The following TAFA5 variants were observed in gnomAD, a reference collection of about 807,000 sequenced individuals.
TAFA5 encodes chemokine-like protein TAFA-5.
Under a neutral mutation model 15.3 loss-of-function variants are expected in TAFA5, and 6 were observed. The ratio of observed to expected loss-of-function variants is 0.39; its 90% CI spans 0.21 to 0.77. The LOEUF is 0.77. Ranked by LOEUF, TAFA5 falls within the 30% of genes least tolerant of loss-of-function variation. The pLI is 0.41. For missense variants in TAFA5, 161 were observed against 193.1 expected, an observed-to-expected ratio of 0.83 and a Z score of 0.98; for synonymous variants, 103 against 80.7, an observed-to-expected ratio of 1.28 and a Z score of -1.48.
At chr22:48,740,127 TCTC>T (rs1017860654) in intron 3 of TAFA5, among the ~76,000 whole-genome samples, 1 of 152,152 alleles carries the variant, frequency 6.6e-6, no homozygotes, top group African/African-American at 2.4e-5. Context: ...TGCAGGCCCC[TCTC>T]CTCCAACCCT....
rs1391888292 is a variant in TAFA5 at position 48,609,783 on chromosome 22, G to GAA, written c.113-36814_113-36813insAA. ...CCCCGCAGGTCCGCTTCCTTCTGAG[G>GAA]GTCTTGGGGGAGAAGCTGCTCCCGG... On this transcript the variant is annotated intron_variant, in intron 1 of 3. Coordinates refer to ENST00000402357, the MANE Select transcript of TAFA5 (RefSeq NM_001082967.3). Among the ~76,000 whole-genome samples the GAA allele has an allele frequency of 3.3e-4, 50 of 152,312 alleles. No individual in the cohort carries two copies. The East Asian group carries it at 9.1e-3, about 28-fold the overall frequency.
Position 48,552,053 on chromosome 22 carries a change from G to A in TAFA5, c.112+62349G>A, listed in dbSNP as rs538848558. On this transcript the variant is annotated intron_variant, in intron 1 of 3. Coordinates refer to ENST00000402357, the MANE Select transcript of TAFA5 (RefSeq NM_001082967.3). This position sits in a 1 kb window ranked among gnomAD's most constrained non-coding sequence, Gnocchi z 4.1. ...TCTGACTGTCCTCCCGGCAGGAAGCGTCCTCCAGTGCTCCCTCTGCTGTGC... is the reference window on the plus strand; with the variant it reads ...TCTGACTGTCCTCCCGGCAGGAAGCATCCTCCAGTGCTCCCTCTGCTGTGC... Among the ~76,000 whole-genome samples, 8 of 152,350 alleles carry A rather than the reference G, an allele frequency of 5.3e-5. No homozygotes were observed. The highest frequency in any genetic ancestry group is 4.1e-4 in the South Asian group (2 of 4,830).
intron 1 of TAFA5, among the ~76,000 whole-genome samples, chr22:48,535,247 G>C (rs1396372221): frequency 6.6e-6 from 1 of 151,986 alleles, no homozygotes; most frequent in Non-Finnish European, 1.5e-5. Flanking sequence ...TCTTAAAAGT[G>C]TGTCTTTTCA....
chr22:48,725,053 G>C (rs962952267), intron 3 of TAFA5, among the ~76,000 whole-genome samples: 2 of 152,262 alleles, frequency 1.3e-5, no homozygotes, highest in Non-Finnish European at 2.9e-5. Context: ...AGCTTAGACA[G>C]AAGTCTGACC....
At chr22:48,554,009 G>A (rs1922946090) in intron 1 of TAFA5, among the ~76,000 whole-genome samples, 1 of 152,220 alleles carries the variant, frequency 6.6e-6, no homozygotes, top group Non-Finnish European at 1.5e-5. Context: ...GACAAATGAG[G>A]TACAAACCAC....
chr22:48,494,124 G>A lies in TAFA5; in HGVS notation c.112+4420G>A, dbSNP rs910377737. 3.3e-5 allele frequency among the ~76,000 whole-genome samples: 5 copies of A among 152,208 alleles called. No homozygotes were observed. In the South Asian group the frequency reaches 6.2e-4, roughly 19 times the overall value. ...GTTCTGAGCTCAGGATCTGCCACTC[G>A]ACATGCTCGGAATGAAATATGTAGA... On this transcript the variant is annotated intron_variant, in intron 1 of 3. Transcript: ENST00000402357.
intron 1 of TAFA5, among the ~76,000 whole-genome samples, chr22:48,499,702 C>G (rs1920942371): frequency 6.6e-6 from 1 of 152,238 alleles, no homozygotes; most frequent in Non-Finnish European, 1.5e-5. Context: ...GGGCAGCCTC[C>G]TGCCTGGGGC....
chr22:48,565,973 T>G (rs973196118), intron 1 of TAFA5, among the ~76,000 whole-genome samples: 1 of 151,462 alleles, frequency 6.6e-6, no homozygotes, highest in Non-Finnish European at 1.5e-5. Flanking sequence ...GGTGGATGGG[T>G]GGATGGATGG....
At chr22:48,516,028 G>A (rs1013081535) in intron 1 of TAFA5, among the ~76,000 whole-genome samples, 4 of 151,956 alleles carry the variant, frequency 2.6e-5, no homozygotes, top group Non-Finnish European at 4.4e-5. Flanking sequence ...CTTCACCGCC[G>A]CTCAGCACCC....
At chr22:48,516,296 T>C (rs1921404072) in intron 1 of TAFA5, among the ~76,000 whole-genome samples, 1 of 152,192 alleles carries the variant, frequency 6.6e-6, no homozygotes, top group Admixed American at 6.5e-5. Context: ...TATTAACGGC[T>C]TTTCTTAATA....
intron 1 of TAFA5, among the ~76,000 whole-genome samples, chr22:48,529,135 A>G (rs1043889669): frequency 6.8e-5 from 10 of 146,010 alleles, no homozygotes; most frequent in African/African-American, 2.0e-4. Context: ...GGACCTGGGT[A>G]GAGGCAGAAA....
At chr22:48,672,869 A>G (rs1306628800) in intron 2 of TAFA5, among the ~76,000 whole-genome samples, 1 of 152,356 alleles carries the variant, frequency 6.6e-6, no homozygotes, top group East Asian at 1.9e-4. Context: ...CATTGGAAAT[A>G]GAACCTCAAC....
rs1281311288 is a variant in TAFA5, at chr22:48,530,164, G to A, written c.112+40460G>A. ...CTGCTCTGTCTCCATGGCGACTCGA[G>A]GAGGAGGAGGCTGGGCCTGCATCAC... On this transcript the variant is annotated intron_variant, in intron 1 of 3. Coordinates refer to ENST00000402357, the MANE Select transcript of TAFA5 (RefSeq NM_001082967.3). This position sits in a 1 kb window ranked among gnomAD's most constrained non-coding sequence, Gnocchi z 6.0. Among the ~76,000 whole-genome samples the A allele has an allele frequency of 6.6e-6, 1 of 152,126 alleles. No individual in the cohort carries two copies. Among genetic ancestry groups the A allele is most frequent in the Non-Finnish European group, 1.5e-5 (1 of 68,016 alleles).
intron 1 of TAFA5, among the ~76,000 whole-genome samples, chr22:48,577,628 T>A (rs1305563512): frequency 6.6e-6 from 1 of 152,184 alleles, no homozygotes; most frequent in African/African-American, 2.4e-5. Flanking sequence ...TTCAGCTGCT[T>A]TCCTGACTAA....
intron 3 of TAFA5, among the ~76,000 whole-genome samples, chr22:48,719,582 C>G (rs543228309): frequency 6.6e-6 from 1 of 152,218 alleles, no homozygotes; most frequent in Non-Finnish European, 1.5e-5. Context: ...GACTGCCCCC[C>G]CTGCATTCTC....
chr22:48,738,460 G>A (rs1464367921), intron 3 of TAFA5, among the ~76,000 whole-genome samples: 1 of 152,020 alleles, frequency 6.6e-6, no homozygotes, highest in African/African-American at 2.4e-5. Context: ...AGGGAAGGTC[G>A]AAGGCCACGC....
chr22:48,670,184 T>A (rs542829999), intron 2 of TAFA5, among the ~76,000 whole-genome samples: 2 of 152,246 alleles, frequency 1.3e-5, no homozygotes, highest in Non-Finnish European at 2.9e-5. Context: ...CTGCCCCTCA[T>A]TCTGTAATCG....
intron 1 of TAFA5, among the ~76,000 whole-genome samples, chr22:48,585,659 A>G (rs1470228677): frequency 7.4e-6 from 1 of 135,980 alleles, no homozygotes; most frequent in Admixed American, 7.2e-5. Flanking sequence ...TGCATTATGC[A>G]CACACACCAC....
At chr22:48,510,625 C>A (rs930503276) in intron 1 of TAFA5, among the ~76,000 whole-genome samples, 1 of 152,234 alleles carries the variant, frequency 6.6e-6, no homozygotes, top group African/African-American at 2.4e-5. Context: ...GTGGGGGAAC[C>A]TGGCTGTGTC....
Sources: allele counts gnomAD v4.1 joint callset (sites outside exome capture counted in the v4.1 genomes callset), GRCh38; gene constraint gnomAD v4.1.1; non-coding constraint Gnocchi (gnomAD v3.1); transcripts MANE v1.5; gene names NCBI Gene and HGNC (gene_info 2026-07-23, HGNC 2026-07-21).